The following PRKRIP1 variants were observed in gnomAD, a reference collection of about 807,000 sequenced individuals.
The protein encoded by PRKRIP1 is PRKR interacting protein 1, also known as PRKR-interacting protein 1.
PRKRIP1 carries 29 observed loss-of-function variants against 29.3 expected under a neutral mutation model. That is an observed-to-expected ratio of 0.99 (90% CI 0.74 to 1.35). The LOEUF is 1.35. PRKRIP1 is among the 40% of genes most tolerant of loss of function. The pLI is 0.00. For synonymous variants in PRKRIP1, 90 were observed against 85.1 expected (o/e 1.06, Z -0.32); for missense variants, 247 against 236.8 (o/e 1.04, Z -0.28).
chr7:102,404,292 C>T, intron 3 of PRKRIP1: 1 of 243,784 alleles, frequency 4.1e-6, no homozygotes, highest in Non-Finnish European at 8.0e-6. Flanking sequence ...CCCGGCTGAG[C>T]AGATGGTGAG....
At position 102,396,619 on chromosome 7, in the gene PRKRIP1, C is replaced by T. The variant is rs1419671256; in HGVS notation, c.126+82C>T. On this transcript the variant is annotated intron_variant, in intron 1 of 5. Transcript: ENST00000397912. ...CGCTTCAGGGTTCCCGCAGGTCCAC[C>T]TTCCCCGCCTCCAAACTCAGAAACT... The T allele has an allele frequency of 9.7e-6, 14 of 1,444,196 alleles. No homozygotes were observed. The South Asian group carries it at 1.5e-4, about 15-fold the overall frequency. 89.5% of individuals were successfully genotyped at this position (1,444,196 alleles called of 1,614,324 possible). A position where few individuals can be genotyped will look rare whatever the true frequency, so the allele number is the denominator to read the frequency against.
At chr7:102,415,079 C>T (rs567384489) in intron 5 of PRKRIP1, among the ~76,000 whole-genome samples, 2 of 152,230 alleles carry the variant, frequency 1.3e-5, no homozygotes, top group East Asian at 3.9e-4. Flanking sequence ...TTTACTCTTC[C>T]TCCACATGGG....
intron 5 of PRKRIP1, among the ~76,000 whole-genome samples, chr7:102,413,004 G>C (rs1340320388): frequency 6.6e-6 from 1 of 152,140 alleles, no homozygotes; most frequent in East Asian, 1.9e-4. Context: ...GCCCATCAAA[G>C]AAATCCAGGG....
chr7:102,409,176 AAAAT>A (rs1168956541), intron 5 of PRKRIP1, among the ~76,000 whole-genome samples: 1 of 152,190 alleles, frequency 6.6e-6, no homozygotes, highest in African/African-American at 2.4e-5. Context: ...CTCCGTCTCA[AAAAT>A]AAATAAAATA....
At position 102,425,158 on chromosome 7, in the gene PRKRIP1, C is replaced by A; in HGVS notation, c.*47C>A. On this transcript the variant is annotated 3_prime_UTR_variant, in exon 6 of 6. Coordinates refer to ENST00000397912, the MANE Select transcript of PRKRIP1 (RefSeq NM_024653.4). ...CCTGGAACCTGGCTCGTGCTGTGACCAGAAGGGAAAGGCGGCTGTTTGGCT... is the reference window on the plus strand; with the variant it reads ...CCTGGAACCTGGCTCGTGCTGTGACAAGAAGGGAAAGGCGGCTGTTTGGCT... 6.3e-7 allele frequency: 1 copy of A among 1,583,176 alleles called. No individual in the cohort carries two copies. Among genetic ancestry groups the A allele is most frequent in the South Asian group, 1.1e-5 (1 of 88,370 alleles).
chr7:102,418,858 T>C (rs1319161499), intron 5 of PRKRIP1, among the ~76,000 whole-genome samples: 1 of 152,080 alleles, frequency 6.6e-6, no homozygotes, highest in African/African-American at 2.4e-5. Context: ...TTCTTTGTTT[T>C]TAATGTTTAA....
In PRKRIP1 at chr7:102,415,243, G is replaced by C. The variant is rs117371252; in HGVS notation, c.457+7745G>C. Among the ~76,000 whole-genome samples, 605 of 152,232 alleles carry C rather than the reference G, an allele frequency of 4.0e-3. 2 individuals are homozygous for C. The highest frequency in any genetic ancestry group is 0.027 in the Middle Eastern group (8 of 294). On this transcript the variant is annotated intron_variant, in intron 5 of 5. Transcript: ENST00000397912. ...CACCCACCTGTGTACAGCCTCCAAA[G>C]CTCTGTTTTTTGAAATGGAGTCTTG...
intron 5 of PRKRIP1, chr7:102,422,924 CCGAAACA>C (rs1554573934): frequency 2.4e-4 from 3 of 12,478 alleles, no homozygotes; most frequent in African/African-American, 6.3e-4. Flanking sequence ...CTGGAAACAT[CCGAAACA>C]TCCGAAATCT....
chr7:102,399,711 GA>G, intron 3 of PRKRIP1, 63 bp downstream of exon 3: 2 of 1,360,398 alleles, frequency 1.5e-6, no homozygotes, highest in South Asian at 1.2e-5. Flanking sequence ...ACTTTCTTTA[GA>G]AAAAAGCATT....
At chr7:102,400,860 T>C (rs1796048817) in intron 3 of PRKRIP1, among the ~76,000 whole-genome samples, 1 of 152,104 alleles carries the variant, frequency 6.6e-6, no homozygotes, top group African/African-American at 2.4e-5. Context: ...GGTCTTGAAC[T>C]CCTGACCTCA....
intron 5 of PRKRIP1, among the ~76,000 whole-genome samples, chr7:102,423,795 GC>G (rs1248602936): frequency 6.6e-6 from 1 of 152,112 alleles, no homozygotes; most frequent in Non-Finnish European, 1.5e-5. Context: ...TCCTGCCTCA[GC>G]CTCATGAGTA....
chr7:102,405,588 C>T (rs1448365916), intron 4 of PRKRIP1, among the ~76,000 whole-genome samples: 2 of 152,168 alleles, frequency 1.3e-5, no homozygotes, highest in Non-Finnish European at 2.9e-5. Flanking sequence ...AAGTGCAACC[C>T]TGTCTCTACA....
intron 5 of PRKRIP1, among the ~76,000 whole-genome samples, chr7:102,412,497 G>A (rs1554572645): frequency 1.3e-5 from 2 of 152,244 alleles, no homozygotes; most frequent in Non-Finnish European, 2.9e-5. Flanking sequence ...CGAGGCGGCA[G>A]TGAGCTGTGA....
At chr7:102,419,595 T>C (rs181535779) in intron 5 of PRKRIP1, among the ~76,000 whole-genome samples, 4 of 152,298 alleles carry the variant, frequency 2.6e-5, no homozygotes, top group Admixed American at 2.6e-4. Context: ...GGCAGCTGTT[T>C]ACTGCCTCTG....
At chr7:102,413,975 C>T (rs1430996135) in intron 5 of PRKRIP1, among the ~76,000 whole-genome samples, 1 of 152,188 alleles carries the variant, frequency 6.6e-6, no homozygotes, top group Non-Finnish European at 1.5e-5. Context: ...CACCTGTAAT[C>T]ATAGCACTTT....
intron 2 of PRKRIP1, 48 bp downstream of exon 2, chr7:102,397,746 T>C: frequency 1.9e-6 from 3 of 1,567,550 alleles, no homozygotes; most frequent in East Asian, 2.3e-5. Context: ...GTAAATATAA[T>C]TTTTTAAGGT....
At chr7:102,403,367 A>G (rs948033977) in intron 3 of PRKRIP1, among the ~76,000 whole-genome samples, 3 of 152,242 alleles carry the variant, frequency 2.0e-5, no homozygotes, top group African/African-American at 7.2e-5. Flanking sequence ...GGTGCAGACC[A>G]GCAGAGGTGT....
Position 102,418,137 on chromosome 7 carries a change from C to T in PRKRIP1, c.458-6877C>T, listed in dbSNP as rs1380367114. Among the ~76,000 whole-genome samples the T allele has an allele frequency of 3.3e-5, 5 of 151,554 alleles. No individual in the cohort carries two copies. The East Asian group carries it at 9.7e-4, about 30-fold the overall frequency. ...CGATCTCGGCTCACTGCAACCTCCGCCTCCCGGGTTCAAGCAATTCTCCTG... is the reference window on the plus strand; with the variant it reads ...CGATCTCGGCTCACTGCAACCTCCGTCTCCCGGGTTCAAGCAATTCTCCTG... On this transcript the variant is annotated intron_variant, in intron 5 of 5. Transcript: ENST00000397912.
In PRKRIP1 at chr7:102,399,511, G is replaced by T. The variant is rs1489238570; in HGVS notation, c.206-37G>T. 3.2e-6 allele frequency: 5 copies of T among 1,563,340 alleles called. No individual in the cohort carries two copies. The East Asian group carries it at 1.1e-4, about 35-fold the overall frequency. ...TTAAGGGTGACCTGTGTTGGTAACT[G>T]AATTTCATCTAGAACTGTGGACTGT... On this transcript the variant is annotated intron_variant, in intron 2 of 5. Coordinates refer to ENST00000397912, the MANE Select transcript of PRKRIP1 (RefSeq NM_024653.4).
Sources: gnomAD v4.1 joint callset for allele counts (sites outside exome capture counted in the v4.1 genomes callset) on GRCh38, gnomAD v4.1.1 for gene constraint, MANE v1.5 for transcripts, NCBI Gene and HGNC (gene_info 2026-07-23, HGNC 2026-07-21) for gene names.